Variants in CTNNA3 observed in about 807,000 individuals in gnomAD.
The protein encoded by CTNNA3 is catenin alpha 3.
CTNNA3 carries 76 observed loss-of-function variants against 95.7 expected under a neutral mutation model. The ratio of observed to expected loss-of-function variants is 0.79; its 90% CI spans 0.66 to 0.96. The LOEUF (loss-of-function observed/expected upper bound fraction) is 0.96, where lower values mean the gene tolerates loss of function less well. Ranked by LOEUF, CTNNA3 falls within the 40% of genes least tolerant of loss-of-function variation. The pLI is 0.00. For missense variants in CTNNA3, 1,191 were observed against 1,089.8 expected (o/e 1.09, Z -1.31); for synonymous variants, 431 against 374.4 (o/e 1.15, Z -1.74).
intron 9 of CTNNA3, among the ~76,000 whole-genome samples, chr10:66,651,817 G>A (rs1589073554): frequency 6.9e-5 from 2 of 29,138 alleles, no homozygotes; most frequent in Admixed American, 3.4e-4. Context: ...TCCCACCCGC[G>A]CCTCTCCCTC....
intron 10 of CTNNA3, among the ~76,000 whole-genome samples, chr10:66,586,706 C>T (rs1048721501): frequency 1.2e-4 from 18 of 152,048 alleles, no homozygotes; most frequent in Non-Finnish European, 2.5e-4. Context: ...AAGAAATCAC[C>T]TTCTCAAACC....
At chr10:66,216,304 C>G (rs894535148) in intron 13 of CTNNA3, among the ~76,000 whole-genome samples, 9 of 152,216 alleles carry the variant, frequency 5.9e-5, no homozygotes, top group Non-Finnish European at 1.3e-4. Flanking sequence ...AAATCAAGAT[C>G]AACAGTACTG....
At chr10:66,578,874 C>A (rs1194140977) in intron 10 of CTNNA3, among the ~76,000 whole-genome samples, 1 of 150,034 alleles carries the variant, frequency 6.7e-6, no homozygotes, top group Non-Finnish European at 1.5e-5. Context: ...GCTAGAGAAT[C>A]CCTTCTCAAA....
rs530954021 is a variant in CTNNA3 at position 66,781,666 on chromosome 10, G to A, written c.1048-6142C>T. Among the ~76,000 whole-genome samples the A allele has an allele frequency of 5.9e-5, 9 of 152,310 alleles. No homozygotes were observed. The South Asian group carries it at 1.9e-3, about 32-fold the overall frequency. Reference sequence around the variant, plus strand: ...AATGATTTAGCTAACAGAGGAAGTAGGATGAAGACTACAAATGTCTTGAAC... The same window carrying A: ...AATGATTTAGCTAACAGAGGAAGTAAGATGAAGACTACAAATGTCTTGAAC... On this transcript the variant is annotated intron_variant, in intron 7 of 17. Coordinates refer to ENST00000433211, the MANE Select transcript of CTNNA3 (RefSeq NM_013266.4).
intron 7 of CTNNA3, among the ~76,000 whole-genome samples, chr10:66,835,103 A>C (rs1842845677): frequency 6.6e-6 from 1 of 152,212 alleles, no homozygotes; most frequent in Admixed American, 6.5e-5. Flanking sequence ...GACAAAGTGC[A>C]GTATGACTCT....
intron 6 of CTNNA3, among the ~76,000 whole-genome samples, chr10:67,192,511 T>C (rs547401322): frequency 1.8e-4 from 27 of 152,006 alleles, no homozygotes; most frequent in South Asian, 1.0e-3. Context: ...AGATCTTCAA[T>C]AGCACTGATC....
At chr10:66,938,367 T>G (rs1044824153) in intron 7 of CTNNA3, among the ~76,000 whole-genome samples, 8 of 152,178 alleles carry the variant, frequency 5.3e-5, no homozygotes, top group African/African-American at 1.7e-4. Context: ...GAAGCCTTAC[T>G]GATAATATAA....
At chr10:65,980,628 T>TA (rs1053301035) in intron 16 of CTNNA3, among the ~76,000 whole-genome samples, 47 of 150,046 alleles carry the variant, frequency 3.1e-4, no homozygotes, top group African/African-American at 8.5e-4. Flanking sequence ...ACAGCATATG[T>TA]AAAAAAAAAT....
At chr10:67,703,675 A>C (rs1025863585) in intron 1 of CTNNA3, among the ~76,000 whole-genome samples, 6 of 152,234 alleles carry the variant, frequency 3.9e-5, no homozygotes, top group Non-Finnish European at 7.3e-5. Context: ...TATCATACTG[A>C]ATGGGCAAAC....
chr10:66,956,748 C>G (rs1358682088), intron 7 of CTNNA3, among the ~76,000 whole-genome samples: 2 of 152,186 alleles, frequency 1.3e-5, no homozygotes, highest in South Asian at 4.1e-4. Flanking sequence ...GGTTGCTTAA[C>G]TGATTTCAAC....
At chr10:66,898,233 G>A (rs879869414) in intron 7 of CTNNA3, among the ~76,000 whole-genome samples, 2 of 152,126 alleles carry the variant, frequency 1.3e-5, no homozygotes, top group East Asian at 1.9e-4. Flanking sequence ...AGAGAGAGTA[G>A]CTTGCATTAT....
intron 7 of CTNNA3, among the ~76,000 whole-genome samples, chr10:66,877,933 G>A (rs560412354): frequency 5.1e-4 from 77 of 152,208 alleles, no homozygotes; most frequent in African/African-American, 1.2e-3. Flanking sequence ...AGTCTAAACT[G>A]TTAAAGTCGC....
intron 10 of CTNNA3, among the ~76,000 whole-genome samples, chr10:66,608,548 G>T (rs1245635764): frequency 1.3e-5 from 2 of 151,936 alleles, no homozygotes; most frequent in Non-Finnish European, 2.9e-5. Flanking sequence ...TTCAAACTAT[G>T]CTACAGCACT....
intron 2 of CTNNA3, among the ~76,000 whole-genome samples, chr10:67,633,272 T>C (rs920025741): frequency 6.6e-6 from 1 of 152,006 alleles, no homozygotes; most frequent in Non-Finnish European, 1.5e-5. Flanking sequence ...TGCCACACCA[T>C]CTCTGTGGTT....
At chr10:66,487,130 G>T (rs575950338) in intron 11 of CTNNA3, among the ~76,000 whole-genome samples, 9 of 147,676 alleles carry the variant, frequency 6.1e-5, no homozygotes, top group African/African-American at 2.0e-4. Context: ...ACAGCATGGT[G>T]ACGATAGTAA....
At chr10:66,732,007 A>G (rs1848978322) in intron 9 of CTNNA3, among the ~76,000 whole-genome samples, 1 of 152,264 alleles carries the variant, frequency 6.6e-6, no homozygotes, top group Non-Finnish European at 1.5e-5. Context: ...TCAAACTAAT[A>G]GTAACAAAAA....
intron 7 of CTNNA3, among the ~76,000 whole-genome samples, chr10:67,135,949 C>A (rs1860286313): frequency 6.6e-6 from 1 of 152,182 alleles, no homozygotes; most frequent in Non-Finnish European, 1.5e-5. Context: ...CTTCTTGAAT[C>A]ATGAATGCCT....
In CTNNA3 at chr10:67,691,626, G is replaced by A. The variant is rs533128730; in HGVS notation, c.-6+4374C>T. The stretch of plus-strand genomic sequence containing the variant: ...AGACCCTCTGCCTGGCAACCGCCCC[G>A]TCTGAGAAGTGAGGAGCCCCTCCGC... On this transcript the variant is annotated intron_variant, in intron 1 of 17. Coordinates refer to ENST00000433211, the MANE Select transcript of CTNNA3 (RefSeq NM_013266.4). 7.0e-4 allele frequency among the ~76,000 whole-genome samples: 105 copies of A among 149,698 alleles called. No homozygotes were observed. The South Asian group carries it at 0.011, about 16-fold the overall frequency.
At chr10:66,406,495 G>A (rs1360674158) in intron 11 of CTNNA3, among the ~76,000 whole-genome samples, 3 of 152,124 alleles carry the variant, frequency 2.0e-5, no homozygotes, top group Non-Finnish European at 4.4e-5. Flanking sequence ...CAATGCCTGA[G>A]TCTTAAACCA....
Sources: allele counts gnomAD v4.1 joint callset (sites outside exome capture counted in the v4.1 genomes callset), GRCh38; gene constraint gnomAD v4.1.1; transcripts MANE v1.5; gene names NCBI Gene and HGNC (gene_info 2026-07-23, HGNC 2026-07-21).